Variants in SPOCD1 observed in about 807,000 individuals in gnomAD.
The protein encoded by SPOCD1 is SPOC domain-containing protein 1.
A neutral mutation model predicts 92.2 loss-of-function variants in SPOCD1; 64 were observed. That is an observed-to-expected ratio of 0.69 (90% CI 0.57 to 0.86). The LOEUF (loss-of-function observed/expected upper bound fraction) is 0.86, where lower values mean the gene tolerates loss of function less well. SPOCD1 is among the 40% of genes least tolerant of loss of function. The probability of loss-of-function intolerance (pLI) is 0.00; values close to 1 mark genes in which losing one functional copy is unlikely to be tolerated. For synonymous variants in SPOCD1, 578 were observed against 619.3 expected, an observed-to-expected ratio of 0.93 and a Z score of 0.99; for missense variants, 1,360 against 1,543.1, an observed-to-expected ratio of 0.88 and a Z score of 1.99.
At chr1:31,811,332 A>T (rs905184923) in intron 2 of SPOCD1, among the ~76,000 whole-genome samples, 1 of 152,068 alleles carries the variant, frequency 6.6e-6, no homozygotes, top group Non-Finnish European at 1.5e-5. Context: ...TTAGCCGGGC[A>T]TGGTGGCCCA....
intron 10 of SPOCD1, chr1:31,796,149 G>A (rs200650387): frequency 3.6e-6 from 1 of 278,278 alleles, no homozygotes; most frequent in Non-Finnish European, 7.1e-6. Flanking sequence ...CCCTCTGGAT[G>A]GACTGCCAGG....
chr1:31,805,988 C>T (rs1367694607), intron 2 of SPOCD1, among the ~76,000 whole-genome samples: 7 of 151,714 alleles, frequency 4.6e-5, no homozygotes, highest in African/African-American at 1.7e-4. Context: ...TCAGATAAAA[C>T]AGATTTTAAG....
At chr1:31,792,498 A>G (rs1247097735) in intron 14 of SPOCD1, 97 bp from the exon 15 acceptor site, 2 of 1,354,404 alleles carry the variant, frequency 1.5e-6, no homozygotes, top group Admixed American at 2.1e-5. Flanking sequence ...CCCGTGAGAA[A>G]GTATGTCTCC....
chr1:31,815,675 T>C (rs1557835588), intron 1 of SPOCD1: 2 of 203,662 alleles, frequency 9.8e-6, no homozygotes, highest in Non-Finnish European at 1.9e-5. Context: ...ATGACTTATG[T>C]GCTTATTTCA....
At chr1:31,799,680 A>C in intron 6 of SPOCD1, 129 bp downstream of exon 6, 2 of 1,189,600 alleles carry the variant, frequency 1.7e-6, no homozygotes, top group Non-Finnish European at 2.4e-6. Flanking sequence ...TTTGGGGAGG[A>C]GCTATAGGCT....
At position 31,815,392 on chromosome 1, in the gene SPOCD1, G is replaced by A. The variant is rs752454211; in HGVS notation, c.-39-20C>T. Reference sequence around the variant, plus strand: ...CGGGCCCTGTGTGGAGACAGAAAGAGGAGACTTTGTCTTGGAGAGTCCGAC... The same window carrying A: ...CGGGCCCTGTGTGGAGACAGAAAGAAGAGACTTTGTCTTGGAGAGTCCGAC... On this transcript the variant is annotated intron_variant, in intron 1 of 15. Coordinates refer to ENST00000360482, the MANE Select transcript of SPOCD1 (RefSeq NM_144569.7). The A allele has an allele frequency of 4.4e-5, 66 of 1,486,402 alleles. No homozygotes were observed. The highest frequency in any genetic ancestry group is 5.8e-5 in the Non-Finnish European group (65 of 1,113,934). 92.1% of individuals were successfully genotyped at this position (1,486,402 alleles called of 1,614,324 possible).
rs1416922244 is a variant in SPOCD1 at position 31,790,527 on chromosome 1, C to T, written c.*76G>A. ...GGTAGGGCTGACCATCCTCTCCTTGCAGTCCCACCTCTCTCTGGAACAGGC... is the reference window on the plus strand; with the variant it reads ...GGTAGGGCTGACCATCCTCTCCTTGTAGTCCCACCTCTCTCTGGAACAGGC... On this transcript the variant is annotated 3_prime_UTR_variant, in exon 16 of 16. Transcript: ENST00000360482. 3.0e-6 allele frequency: 4 copies of T among 1,337,572 alleles called. No homozygotes were observed. The highest frequency in any genetic ancestry group is 1.5e-5 in the African/African-American group (1 of 68,106). The allele number at this position is 1,337,572 out of a possible 1,614,324, so 82.9% of individuals were successfully genotyped here.
chr1:31,801,502 C>T (rs1648462021), intron 3 of SPOCD1, among the ~76,000 whole-genome samples, 162 bp downstream of exon 3: 1 of 152,064 alleles, frequency 6.6e-6, no homozygotes, highest in African/African-American at 2.4e-5. Context: ...AACTAAAAGT[C>T]TAAGATCCAA....
chr1:31,799,771 C>G (rs767877011), intron 6 of SPOCD1, 38 bp downstream of exon 6: 2 of 1,610,490 alleles, frequency 1.2e-6, no homozygotes, highest in Middle Eastern at 1.9e-4. Flanking sequence ...CCCCAGCAGT[C>G]TCTGGAAGCA....
At chr1:31,815,876 G>A (rs1649532865) in intron 1 of SPOCD1, 85 bp downstream of exon 1, 1 of 152,366 alleles carries the variant, frequency 6.6e-6, no homozygotes, top group Non-Finnish European at 1.5e-5. Context: ...GTTCTGAAAG[G>A]CGCCCCACCC....
At position 31,800,174 on chromosome 1, in the gene SPOCD1, GA is replaced by G. The variant is rs201750995; in HGVS notation, c.1603-34del. The G allele has an allele frequency of 6.0e-4, 943 of 1,559,030 alleles. 4 individuals are homozygous for G. In the African/African-American group the frequency reaches 0.011, roughly 19 times the overall value. On this transcript the variant is annotated intron_variant, in intron 4 of 15. Coordinates refer to ENST00000360482, the MANE Select transcript of SPOCD1 (RefSeq NM_144569.7). ...CAGGGAGCAGACAAGCTATTGGCCG[GA>G]AATGGAGGCCAGGGACTGTTCCCTC... is the stretch of plus-strand genomic sequence containing the variant.
At chr1:31,795,160 G>T (rs561970291) in intron 10 of SPOCD1, 1 of 152,194 alleles carries the variant, frequency 6.6e-6, no homozygotes, top group African/African-American at 2.4e-5. Context: ...GACTCTTGAC[G>T]TCTATTGCCA....
chr1:31,804,985 C>CTTTTTTTTCT (rs1648720433), intron 2 of SPOCD1, among the ~76,000 whole-genome samples: 1 of 105,916 alleles, frequency 9.4e-6, no homozygotes, highest in Admixed American at 1.1e-4. Context: ...TTCTTTCTTT[C>CTTTTTTTTCT]TTTTTTTTTT....
At position 31,801,659 on chromosome 1, in the gene SPOCD1, C is replaced by T. The variant is rs1370364288; in HGVS notation, c.1425+5G>A. The T allele has an allele frequency of 6.2e-7, 1 of 1,613,482 alleles. No homozygotes were observed. The highest frequency in any genetic ancestry group is 1.3e-5 in the African/African-American group (1 of 74,918). Reference sequence around the variant, plus strand: ...GAAAAGCAATAATAAAATGTAAAAACCTACGTAGCACACAAGCTTCACTCC... The same window carrying T: ...GAAAAGCAATAATAAAATGTAAAAATCTACGTAGCACACAAGCTTCACTCC... On this transcript the variant is annotated splice_donor_5th_base_variant and intron_variant, in intron 3 of 15. Transcript: ENST00000360482.
chr1:31,807,829 AAAGAT>A (rs756829257), intron 2 of SPOCD1, among the ~76,000 whole-genome samples: 2 of 150,934 alleles, frequency 1.3e-5, no homozygotes, highest in South Asian at 4.1e-4. Flanking sequence ...CGCAGTCCTT[AAAGAT>A]AAGAGGCTAT....
In SPOCD1 at chr1:31,799,813, G is replaced by C. The variant is rs569415882; in HGVS notation, c.1779C>G (p.Asp593Glu). ...GCTCCCTCCAGGGCCCTTCACCTGA[G>C]TCCTCTGGCTGCTCCGGAAGAGAAT... ...EEDSLPEQPE[D>E]SAQLQQEKPS... Residue 593 changes from aspartate to glutamate, a missense_variant, in exon 6 of 16, where the codon GAC becomes GAG. By Grantham distance (45) the Asp-to-Glu change is conservative. Around this residue, in one of 3 missense-constraint regions of SPOCD1, gnomAD observed 606 missense variants for 601.5 expected, o/e 1.01. Coordinates refer to ENST00000360482, the MANE Select transcript of SPOCD1 (RefSeq NM_144569.7). 5.6e-6 allele frequency: 9 copies of C among 1,613,994 alleles called. No individual in the cohort carries two copies. The highest frequency in any genetic ancestry group is 4.0e-5 in the African/African-American group (3 of 75,062).
chr1:31,807,125 C>T (rs1039491761), intron 2 of SPOCD1, among the ~76,000 whole-genome samples: 3 of 150,760 alleles, frequency 2.0e-5, no homozygotes, highest in African/African-American at 4.9e-5. Flanking sequence ...TGGTGGCTCA[C>T]GCCTGTAATC....
At chr1:31,793,617 G>A (rs1156545413) in intron 12 of SPOCD1, 130 bp downstream of exon 12, 11 of 1,538,496 alleles carry the variant, frequency 7.1e-6, no homozygotes, top group South Asian at 1.2e-5. Flanking sequence ...TGGGGAAAGT[G>A]AGGTTCCCAA....
intron 2 of SPOCD1, among the ~76,000 whole-genome samples, chr1:31,804,985 C>CTTTTT (rs1207433481): frequency 4.7e-5 from 5 of 105,888 alleles, no homozygotes; most frequent in Non-Finnish European, 7.4e-5. Context: ...TTCTTTCTTT[C>CTTTTT]TTTTTTTTTT....
Sources: allele counts gnomAD v4.1 joint callset (sites outside exome capture counted in the v4.1 genomes callset), GRCh38; gene constraint gnomAD v4.1.1; regional missense constraint gnomAD v4.1.1; transcripts MANE v1.5; gene names NCBI Gene and HGNC (gene_info 2026-07-23, HGNC 2026-07-21).